Variants in CNNM2 observed in about 807,000 individuals in gnomAD.
The protein encoded by CNNM2 is cyclin and CBS domain divalent metal cation transport mediator 2.
Under a neutral mutation model 66.9 loss-of-function variants are expected in CNNM2, and 12 were observed. The observed-to-expected ratio is 0.18, with a 90% CI of 0.11 to 0.29. The LOEUF (loss-of-function observed/expected upper bound fraction) is 0.29. CNNM2 is among the 10% of genes least tolerant of loss of function. The pLI is 1.00. For synonymous variants in CNNM2, 557 were observed against 501.8 expected (o/e 1.11, Z -1.47); for missense variants, 705 against 1,167.7 (o/e 0.60, Z 5.77).
In CNNM2 at chr10:102,956,994, A is replaced by C. The variant is rs146985213; in HGVS notation, c.1621+36893A>C. Among the ~76,000 whole-genome samples the C allele has an allele frequency of 7.4e-4, 112 of 152,190 alleles. 1 individual carries two copies. The highest frequency in any genetic ancestry group is 2.6e-3 in the African/African-American group (109 of 41,520). On this transcript the variant is annotated intron_variant, in intron 1 of 7. Transcript: ENST00000369878. ...ACTTAAAAGTATAGTAATAATAATA[A>C]TTTTTTTAAAAAAGATGGTAAGATT...
chr10:102,928,203 A>G (rs1253257830), intron 1 of CNNM2, among the ~76,000 whole-genome samples: 1 of 152,222 alleles, frequency 6.6e-6, no homozygotes, highest in Non-Finnish European at 1.5e-5. Context: ...CAGTATTTTT[A>G]TTATAACAAT....
At position 103,068,698 on chromosome 10, in the gene CNNM2, G is replaced by A. The variant is rs768183987; in HGVS notation, c.2143G>A (p.Val715Met). 1.2e-5 allele frequency: 20 copies of A among 1,612,940 alleles called. No individual in the cohort carries two copies. Among genetic ancestry groups the A allele is most frequent in the Middle Eastern group, 1.7e-4 (1 of 6,060 alleles). The change falls in exon 5 of 8, where the codon GTG becomes ATG. Residue 715 changes from valine (V) to methionine (M), a missense_variant. By Grantham distance (21) the Val-to-Met change is conservative (BLOSUM62 1). Coordinates refer to ENST00000369878, the MANE Select transcript of CNNM2 (RefSeq NM_017649.5). The part of the protein sequence containing the change: ...FEASAFSYYG[V>M]MALTASPVPL... ...AGCGAGCGCCTTCTCATACTATGGCGTGATGGCCCTGACAGCCTCTCCAGG... is the reference window on the plus strand; with the variant it reads ...AGCGAGCGCCTTCTCATACTATGGCATGATGGCCCTGACAGCCTCTCCAGG...
chr10:102,992,516 C>T (rs1354249409), intron 1 of CNNM2, among the ~76,000 whole-genome samples: 3 of 151,976 alleles, frequency 2.0e-5, no homozygotes, highest in African/African-American at 7.2e-5. Flanking sequence ...CGAAGTGATC[C>T]TCCCACCTCG....
At chr10:102,926,037 G>A (rs1845847883) in intron 1 of CNNM2, among the ~76,000 whole-genome samples, 1 of 152,104 alleles carries the variant, frequency 6.6e-6, no homozygotes, top group Admixed American at 6.5e-5. Context: ...AATGATGATT[G>A]GATTTGGTTA....
chr10:103,079,488 T>C lies in CNNM2; in HGVS notation c.*2308T>C, dbSNP rs2065736041. On this transcript the variant is annotated 3_prime_UTR_variant, in exon 8 of 8. Transcript: ENST00000369878. Reference sequence around the variant, plus strand: ...TCAGAGCTAGTGTGTTGGTGCCCTTTTCAGAGCTCTGCTGTTCCTTTATAA... The same window carrying C: ...TCAGAGCTAGTGTGTTGGTGCCCTTCTCAGAGCTCTGCTGTTCCTTTATAA... 6.6e-6 allele frequency: 1 copy of C among 152,228 alleles called. No homozygotes were observed. The highest frequency in any genetic ancestry group is 2.4e-5 in the African/African-American group (1 of 41,450). 9.4% of individuals were successfully genotyped at this position (152,228 alleles called of 1,614,324 possible). A position where few individuals can be genotyped will look rare whatever the true frequency, so the allele number is the denominator to read the frequency against.
At position 103,087,139 on chromosome 10, in the gene CNNM2, G is replaced by GTTTTTTTTTTTTTTTTTTTT. The variant is rs2065826895; in HGVS notation, c.*9959_*9960insTTTTTTTTTTTTTTTTTTTT. 2.1e-5 allele frequency: 1 copy of GTTTTTTTTTTTTTTTTTTTT among 48,020 alleles called. No homozygotes were observed. The highest frequency in any genetic ancestry group is 4.6e-5 in the Non-Finnish European group (1 of 21,738). The allele number at this position is 48,020 out of a possible 1,614,324, so 3.0% of individuals were successfully genotyped here. A position where few individuals can be genotyped will look rare whatever the true frequency, so the allele number is the denominator to read the frequency against. ...CTTCTCACGGTATAAAACTCCGCAGGATTTTTTTTTTTTTTTTTTTTTTTT... is the reference window on the plus strand; with the variant it reads ...CTTCTCACGGTATAAAACTCCGCAGGTTTTTTTTTTTTTTTTTTTTATTTTTTTTTTTTTTTTTTTTTTTT... On this transcript the variant is annotated 3_prime_UTR_variant, in exon 8 of 8. Transcript: ENST00000369878.
chr10:102,980,068 C>G (rs1275441194), intron 1 of CNNM2, among the ~76,000 whole-genome samples: 5 of 152,066 alleles, frequency 3.3e-5, no homozygotes, highest in Admixed American at 1.3e-4. Flanking sequence ...CACGTGCCAC[C>G]AAGCCCAGCT....
intron 1 of CNNM2, among the ~76,000 whole-genome samples, chr10:103,041,995 T>A (rs1039315857): frequency 1.3e-5 from 2 of 152,196 alleles, no homozygotes; most frequent in African/African-American, 4.8e-5. Flanking sequence ...CTCTCTCTCT[T>A]GAATTCTGGA....
intron 1 of CNNM2, among the ~76,000 whole-genome samples, chr10:102,949,440 G>T (rs974386098): frequency 6.6e-6 from 1 of 151,746 alleles, no homozygotes; most frequent in East Asian, 2.0e-4. Flanking sequence ...CTCCCAAAGT[G>T]CTGGGATTAC....
intron 4 of CNNM2, among the ~76,000 whole-genome samples, chr10:103,059,886 A>G (rs576097987): frequency 1.5e-4 from 23 of 152,362 alleles, no homozygotes; most frequent in Non-Finnish European, 3.2e-4. Context: ...TCATGCCTGT[A>G]ATCCCAGAAC....
chr10:102,940,056 C>T (rs947434170), intron 1 of CNNM2, among the ~76,000 whole-genome samples: 5 of 152,148 alleles, frequency 3.3e-5, no homozygotes, highest in African/African-American at 1.2e-4. Context: ...AGATTTCCTG[C>T]TCTCAGGTAA....
chr10:103,045,595 C>T (rs528322719), intron 1 of CNNM2, among the ~76,000 whole-genome samples: 2 of 151,840 alleles, frequency 1.3e-5, no homozygotes, highest in Non-Finnish European at 2.9e-5. Context: ...CCCCACCCCC[C>T]GCCACCGCCA....
At chr10:103,037,993 C>A (rs2064972996) in intron 1 of CNNM2, among the ~76,000 whole-genome samples, 1 of 152,140 alleles carries the variant, frequency 6.6e-6, no homozygotes, top group African/African-American at 2.4e-5. Context: ...GCATGTACCA[C>A]CATACCCAGC....
chr10:103,047,455 G>A (rs1046836721), intron 1 of CNNM2, among the ~76,000 whole-genome samples: 4 of 152,160 alleles, frequency 2.6e-5, no homozygotes, highest in African/African-American at 9.7e-5. Context: ...AAAACAAAGA[G>A]GATGTTGTAG....
intron 1 of CNNM2, among the ~76,000 whole-genome samples, chr10:102,966,602 G>A (rs551230383): frequency 6.6e-6 from 1 of 152,324 alleles, no homozygotes; most frequent in African/African-American, 2.4e-5. Flanking sequence ...ACTCCAGCCT[G>A]GGCAACAGAG....
At chr10:103,076,304 G>T (rs2065689791) in intron 7 of CNNM2, 34 bp downstream of exon 7, 1 of 1,545,120 alleles carries the variant, frequency 6.5e-7, no homozygotes, top group Non-Finnish European at 8.8e-7. Flanking sequence ...GCTGGACCTG[G>T]CAGTTAGTTG....
Position 103,089,981 on chromosome 10 carries a change from TC to T in CNNM2, c.*12803del, listed in dbSNP as rs1203573423. On this transcript the variant is annotated 3_prime_UTR_variant, in exon 8 of 8. Transcript: ENST00000369878. The stretch of plus-strand genomic sequence containing the variant: ...GCTACTCCCCAAATCCTAACCCCTC[TC>T]CTCTGTTAGGTGGCCATGCAATTAC... The T allele has an allele frequency of 1.1e-5, 14 of 1,252,874 alleles. No individual in the cohort carries two copies. The Middle Eastern group carries it at 5.8e-4, about 52-fold the overall frequency. 77.6% of individuals were successfully genotyped at this position (1,252,874 alleles called of 1,614,324 possible). A position where few individuals can be genotyped will look rare whatever the true frequency, so the allele number is the denominator to read the frequency against.
At chr10:102,931,189 G>A (rs1308919689) in intron 1 of CNNM2, among the ~76,000 whole-genome samples, 2 of 151,946 alleles carry the variant, frequency 1.3e-5, no homozygotes, top group African/African-American at 2.4e-5. Flanking sequence ...GCCCCTGCTT[G>A]GTATGTCTTC....
At chr10:103,065,709 T>G (rs934660834) in intron 4 of CNNM2, among the ~76,000 whole-genome samples, 2 of 152,170 alleles carry the variant, frequency 1.3e-5, no homozygotes, top group African/African-American at 4.8e-5. Context: ...ATTTCCTGCA[T>G]GGAGGGTCAG....
Sources: allele counts gnomAD v4.1 joint callset (sites outside exome capture counted in the v4.1 genomes callset), GRCh38; gene constraint gnomAD v4.1.1; transcripts MANE v1.5; gene names NCBI Gene and HGNC (gene_info 2026-07-23, HGNC 2026-07-21).